Variants in LRRC2 observed in about 807,000 individuals in gnomAD.
The protein encoded by LRRC2 is leucine-rich repeat-containing protein 2.
In LRRC2, 27 loss-of-function variants were observed where a neutral mutation model predicts 40.2. The observed-to-expected ratio is 0.67, with a 90% CI of 0.49 to 0.93. LRRC2 has a LOEUF of 0.93. Among genes scored for constraint, LRRC2 ranks in the 40% least tolerant of loss-of-function variants. The pLI, the probability that LRRC2 is intolerant of heterozygous loss-of-function variation, is 0.00. For synonymous variants in LRRC2, 147 were observed against 158.9 expected, an observed-to-expected ratio of 0.92 and a Z score of 0.56; for missense variants, 402 against 439.6, an observed-to-expected ratio of 0.91 and a Z score of 0.76.
rs1369315409 is a variant in LRRC2 at position 46,515,719 on chromosome 3, T to C, written c.*3295A>G. On this transcript the variant is annotated 3_prime_UTR_variant, in exon 9 of 9. Coordinates refer to ENST00000395905, the MANE Select transcript of LRRC2 (RefSeq NM_024512.5). ...AAACAAAAAACTGATTTTATTAAAATAAAATTTACATAAATTATGAACAGT... is the reference window on the plus strand; with the variant it reads ...AAACAAAAAACTGATTTTATTAAAACAAAATTTACATAAATTATGAACAGT... The C allele has an allele frequency of 1.3e-5, 2 of 152,152 alleles. No homozygotes were observed. Among genetic ancestry groups the C allele is most frequent in the Non-Finnish European group, 1.5e-5 (1 of 68,010 alleles). 9.4% of individuals were successfully genotyped at this position (152,152 alleles called of 1,614,324 possible).
rs1703966775 is a variant in LRRC2 at position 46,521,649 on chromosome 3, G to A, written c.939C>T (p.Ser313=). Reference sequence around the variant, plus strand: ...CATTATCAATAGGATTGTCCATAAGGCTTACAAATCTATTCGAGAAAGCAT... The same window carrying A: ...CATTATCAATAGGATTGTCCATAAGACTTACAAATCTATTCGAGAAAGCAT... ...CDSSTPLKFV[S]LMDNPIDNAQ... is the part of the protein sequence containing the mutation. Residue 313 remains serine, a synonymous_variant, in exon 8 of 9, where the codon AGC becomes AGT. Coordinates refer to ENST00000395905, the MANE Select transcript of LRRC2 (RefSeq NM_024512.5). 5.6e-6 allele frequency: 9 copies of A among 1,609,134 alleles called. No individual in the cohort carries two copies. Among genetic ancestry groups the A allele is most frequent in the Non-Finnish European group, 7.6e-6 (9 of 1,178,824 alleles).
At chr3:46,538,916 C>T (rs113420744) in intron 4 of LRRC2, 129 bp downstream of exon 4, 17 of 974,172 alleles carry the variant, frequency 1.7e-5, no homozygotes, top group Admixed American at 1.1e-4. Flanking sequence ...AGCCTCCAAA[C>T]GGCCCTGCCC....
rs759901693 is a variant in LRRC2 at position 46,545,205 on chromosome 3, G to C, written c.174C>G (p.Ile58Met). The stretch of plus-strand genomic sequence containing the variant: ...CATTCTTGCAGTATACAGCCTGGGG[G>C]ATGCCCTTCCTCCTGCATTCGGCCA... ...NFVAECRRKG[I>M]PQAVYCKNGF... Residue 58 changes from isoleucine (I) to methionine (M), a missense_variant, in exon 3 of 9, where the codon ATC becomes ATG. Transcript: ENST00000395905. The C allele has an allele frequency of 6.2e-7, 1 of 1,614,178 alleles. No individual in the cohort carries two copies. Among genetic ancestry groups the C allele is most frequent in the East Asian group, 2.2e-5 (1 of 44,884 alleles).
chr3:46,539,292 G>A (rs1704335597), intron 3 of LRRC2, 91 bp from the exon 4 acceptor site: 4 of 1,267,718 alleles, frequency 3.2e-6, no homozygotes, highest in Non-Finnish European at 4.4e-6. Flanking sequence ...AACAGGAAGT[G>A]AGAAAGCAGA....
At chr3:46,544,888 G>C (rs7628435) in intron 3 of LRRC2, among the ~76,000 whole-genome samples, 158 bp downstream of exon 3, 12,851 of 152,244 alleles carry the variant, frequency 0.084, 609 homozygotes, top group South Asian at 0.17. Context: ...ATCCAAGTGG[G>C]TCCCATCACT....
chr3:46,558,116 T>C (rs531146361), intron 1 of LRRC2: 3 of 152,304 alleles, frequency 2.0e-5, no homozygotes, highest in African/African-American at 7.2e-5. Flanking sequence ...GAGCCCATGC[T>C]TGGGGCAGAT....
chr3:46,519,231 TTAAG>T (rs35989475), intron 8 of LRRC2, among the ~76,000 whole-genome samples, 168 bp from the exon 9 acceptor site: 57,716 of 151,826 alleles, frequency 0.38, 12,703 homozygotes, highest in East Asian at 0.52. Context: ...TTTGTCACCA[TTAAG>T]TAAGTCATCA....
At position 46,532,876 on chromosome 3, in the gene LRRC2, C is replaced by T; in HGVS notation, c.524G>A (p.Gly175Asp). ...AGGAATGCTCTTCAGATAGTTGAAA[C>T]CCACATTGAGTTCTTTCAGGTTCTT... is the stretch of plus-strand genomic sequence containing the variant. ...CLKNLKELNVGFNYLKSIPPE... is the reference protein window; with the variant it reads ...CLKNLKELNVDFNYLKSIPPE... Residue 175 changes from glycine to aspartate, a missense_variant, in exon 5 of 9, where the codon GGT becomes GAT. By Grantham distance (94) the Gly-to-Asp change is moderately conservative. Coordinates refer to ENST00000395905, the MANE Select transcript of LRRC2 (RefSeq NM_024512.5). 3 of 1,613,988 alleles carry T rather than the reference C, an allele frequency of 1.9e-6. No homozygotes were observed. Among genetic ancestry groups the T allele is most frequent in the Non-Finnish European group, 2.5e-6 (3 of 1,179,920 alleles).
chr3:46,530,408 C>T (rs543992144), intron 5 of LRRC2, among the ~76,000 whole-genome samples: 2 of 152,190 alleles, frequency 1.3e-5, no homozygotes, highest in African/African-American at 4.8e-5. Flanking sequence ...GGCAAAACCC[C>T]GTCTCTACTA....
chr3:46,564,154 A>T (rs923756990), intron 1 of LRRC2, among the ~76,000 whole-genome samples: 1 of 151,496 alleles, frequency 6.6e-6, no homozygotes, highest in African/African-American at 2.4e-5. Context: ...GGCTGAACCA[A>T]CCCCTGTAGA....
intron 1 of LRRC2, among the ~76,000 whole-genome samples, chr3:46,560,619 TG>T (rs1466583592): frequency 1.3e-5 from 2 of 152,216 alleles, no homozygotes; most frequent in Non-Finnish European, 2.9e-5. Context: ...AGCTTCAGCC[TG>T]GACCCTCGTT....
At chr3:46,533,395 T>G (rs1704195161) in intron 4 of LRRC2, among the ~76,000 whole-genome samples, 1 of 152,156 alleles carries the variant, frequency 6.6e-6, no homozygotes, top group African/African-American at 2.4e-5. Context: ...TACCATATCT[T>G]ACAATATTTG....
intron 1 of LRRC2, among the ~76,000 whole-genome samples, chr3:46,555,153 C>T (rs1704763964): frequency 6.6e-6 from 1 of 152,002 alleles, no homozygotes; most frequent in South Asian, 2.1e-4. Flanking sequence ...GGTCCTTTAC[C>T]AGGTATATAA....
intron 6 of LRRC2, among the ~76,000 whole-genome samples, chr3:46,529,642 C>T (rs1288370695): frequency 2.6e-5 from 4 of 152,092 alleles, no homozygotes; most frequent in Admixed American, 2.6e-4. Context: ...TTAATGGTGC[C>T]ATTCTACGGA....
At chr3:46,521,337 A>C (rs560099651) in intron 8 of LRRC2, among the ~76,000 whole-genome samples, 185 bp downstream of exon 8, 37 of 152,334 alleles carry the variant, frequency 2.4e-4, no homozygotes, top group African/African-American at 8.4e-4. Context: ...GGACTAGCAC[A>C]ATTTGATATT....
chr3:46,551,515 G>C lies in LRRC2; in HGVS notation c.77C>G (p.Ala26Gly), dbSNP rs1320402546. The C allele has an allele frequency of 6.8e-6, 11 of 1,614,060 alleles. No individual in the cohort carries two copies. Among genetic ancestry groups the C allele is most frequent in the Non-Finnish European group, 9.3e-6 (11 of 1,179,976 alleles). Residue 26 changes from alanine (A) to glycine (G), a missense_variant, in exon 2 of 9, where the codon GCT becomes GGT. Coordinates refer to ENST00000395905, the MANE Select transcript of LRRC2 (RefSeq NM_024512.5). ...CCTTTCCACCTCCTTCTTCTGCCAA[G>C]CTTTGTGCTTCTTGACACGAGTTTC... ...LWETRVKKHK[A>G]WQKKEVERLE...
intron 1 of LRRC2, among the ~76,000 whole-genome samples, chr3:46,554,774 G>C (rs9682509): frequency 0.21 from 31,501 of 152,112 alleles, 3,909 homozygotes; most frequent in South Asian, 0.31. Flanking sequence ...AGAATTGTTA[G>C]ATTATATGAT....
rs577824484 is a variant in LRRC2, at chr3:46,530,180, G to A, written c.628-130C>T. ...AATATATGCAAAGCAGATCAATACA[G>A]TATGTATTTTGAAGCACCTCAGATG... On this transcript the variant is annotated intron_variant, in intron 5 of 8. Coordinates refer to ENST00000395905, the MANE Select transcript of LRRC2 (RefSeq NM_024512.5). 65 of 727,826 alleles carry A rather than the reference G, an allele frequency of 8.9e-5. No individual in the cohort carries two copies. The Middle Eastern group carries it at 1.6e-3, about 18-fold the overall frequency. 45.1% of individuals were successfully genotyped at this position (727,826 alleles called of 1,614,324 possible). A position where few individuals can be genotyped will look rare whatever the true frequency, so the allele number is the denominator to read the frequency against.
chr3:46,559,254 A>C (rs1181080002), intron 1 of LRRC2: 2 of 152,272 alleles, frequency 1.3e-5, no homozygotes, highest in African/African-American at 2.4e-5. Flanking sequence ...ATAAAGATCA[A>C]AGTCCACAGC....
Sources: gnomAD v4.1 joint callset for allele counts (sites outside exome capture counted in the v4.1 genomes callset) on GRCh38, gnomAD v4.1.1 for gene constraint, MANE v1.5 for transcripts, NCBI Gene and HGNC (gene_info 2026-07-23, HGNC 2026-07-21) for gene names.